TTC29: variants seen among roughly 807,000 people sequenced by gnomAD.
TTC29 encodes tetratricopeptide repeat protein 29.
Under a neutral mutation model 58.1 loss-of-function variants are expected in TTC29, and 49 were observed. The observed-to-expected ratio is 0.84, with a 90% confidence interval of 0.67 to 1.07. TTC29 has a LOEUF of 1.07. TTC29 is among the 50% of genes least tolerant of loss of function. The pLI, the probability that TTC29 is intolerant of heterozygous loss-of-function variation, is 0.00. For missense variants in TTC29, 582 were observed against 555.6 expected (o/e 1.05, Z -0.48); for synonymous variants, 209 against 196.8 (o/e 1.06, Z -0.52).
intron 8 of TTC29, among the ~76,000 whole-genome samples, chr4:146,843,754 A>G (rs1007859069): frequency 3.9e-5 from 6 of 152,162 alleles, no homozygotes; most frequent in Non-Finnish European, 7.3e-5. Flanking sequence ...ATTGTTTTCA[A>G]TAATTTATCT....
chr4:146,748,546 G>C (rs879314278), intron 11 of TTC29, among the ~76,000 whole-genome samples: 2 of 152,116 alleles, frequency 1.3e-5, no homozygotes, highest in Non-Finnish European at 2.9e-5. Context: ...GATCCCTAAA[G>C]TCCTTGCCCT....
chr4:146,857,896 C>G (rs910876686), intron 8 of TTC29, among the ~76,000 whole-genome samples: 1 of 152,118 alleles, frequency 6.6e-6, no homozygotes, highest in African/African-American at 2.4e-5. Context: ...GGTTTATCTT[C>G]TTTCCATTAT....
At chr4:146,928,727 A>T (rs1459013650) in intron 4 of TTC29, among the ~76,000 whole-genome samples, 2 of 152,180 alleles carry the variant, frequency 1.3e-5, no homozygotes, top group Non-Finnish European at 2.9e-5. Context: ...ATTCTAAATT[A>T]GACCACTTCT....
intron 6 of TTC29, among the ~76,000 whole-genome samples, chr4:146,890,091 A>G (rs983551276): frequency 6.6e-6 from 1 of 152,120 alleles, no homozygotes; most frequent in Admixed American, 6.6e-5. Flanking sequence ...TGAATATTAT[A>G]TTAGTTTCCT....
At chr4:146,723,684 C>T (rs189304272) in intron 11 of TTC29, among the ~76,000 whole-genome samples, 1 of 152,200 alleles carries the variant, frequency 6.6e-6, no homozygotes, top group East Asian at 1.9e-4. Context: ...AATGAGATAC[C>T]ATCTCACACC....
chr4:146,890,962 A>G (rs1732319182), intron 6 of TTC29, among the ~76,000 whole-genome samples: 1 of 152,102 alleles, frequency 6.6e-6, no homozygotes, highest in African/African-American at 2.4e-5. Context: ...AATATCAAGG[A>G]TGAAGTCTGA....
At chr4:146,900,628 T>C (rs1459155310) in intron 6 of TTC29, among the ~76,000 whole-genome samples, 4 of 152,192 alleles carry the variant, frequency 2.6e-5, no homozygotes, top group Non-Finnish European at 5.9e-5. Context: ...AATAAATAAA[T>C]TGAGCAATGT....
chr4:146,834,332 A>T (rs1021185178), intron 8 of TTC29, among the ~76,000 whole-genome samples: 1 of 152,156 alleles, frequency 6.6e-6, no homozygotes, highest in South Asian at 2.1e-4. Flanking sequence ...GTGCCAGGCA[A>T]TTTCTAAATC....
At chr4:146,764,537 TA>T (rs1248106099) in intron 11 of TTC29, among the ~76,000 whole-genome samples, 1 of 152,022 alleles carries the variant, frequency 6.6e-6, no homozygotes, top group African/African-American at 2.4e-5. Flanking sequence ...TAAAAATAAT[TA>T]TTTTAAAAAG....
intron 11 of TTC29, among the ~76,000 whole-genome samples, chr4:146,715,413 T>C (rs987345201): frequency 2.6e-5 from 4 of 152,190 alleles, no homozygotes; most frequent in African/African-American, 9.6e-5. Flanking sequence ...ATATACCCAA[T>C]AGAATACTAT....
At chr4:146,763,834 T>G (rs1747089768) in intron 11 of TTC29, 1 of 152,128 alleles carries the variant, frequency 6.6e-6, no homozygotes, top group African/African-American at 2.4e-5. Context: ...AGAAAGCCTC[T>G]TCTTTTCAAT....
chr4:146,936,250 T>C (rs1017709680), intron 4 of TTC29, among the ~76,000 whole-genome samples: 9 of 152,228 alleles, frequency 5.9e-5, no homozygotes, highest in Non-Finnish European at 7.4e-5. Context: ...TTTTGCATTG[T>C]CTTAGATAAA....
intron 11 of TTC29, among the ~76,000 whole-genome samples, chr4:146,718,014 A>G (rs1475762140): frequency 6.6e-6 from 1 of 152,102 alleles, no homozygotes; most frequent in Admixed American, 6.6e-5. Flanking sequence ...GGCTTATTTC[A>G]TTTAGTATAC....
chr4:146,773,827 C>T (rs1747898734), intron 11 of TTC29, among the ~76,000 whole-genome samples: 3 of 151,438 alleles, frequency 2.0e-5, no homozygotes, highest in Admixed American at 2.0e-4. Context: ...GGCACCAGCT[C>T]TTCTTTATAT....
intron 7 of TTC29, among the ~76,000 whole-genome samples, chr4:146,870,561 G>C (rs1730865621): frequency 6.6e-6 from 1 of 151,474 alleles, no homozygotes; most frequent in Non-Finnish European, 1.5e-5. Context: ...ATGATCCTTT[G>C]AAAAAGTCAA....
chr4:146,824,753 C>T (rs1447364812), intron 9 of TTC29, among the ~76,000 whole-genome samples: 1 of 152,104 alleles, frequency 6.6e-6, no homozygotes, highest in Admixed American at 6.5e-5. Flanking sequence ...GGTTGTTAGG[C>T]TATTAATTAC....
chr4:146,780,823 G>A (rs974129364), intron 11 of TTC29, among the ~76,000 whole-genome samples: 45 of 151,992 alleles, frequency 3.0e-4, no homozygotes, highest in African/African-American at 1.0e-3. Flanking sequence ...AATGATGGCT[G>A]GATTGGTATT....
chr4:146,917,634 A>G (rs1216739329), intron 4 of TTC29, among the ~76,000 whole-genome samples: 1 of 145,158 alleles, frequency 6.9e-6, no homozygotes, highest in East Asian at 2.0e-4. Context: ...GATATTATAT[A>G]AATTATATAT....
intron 11 of TTC29, among the ~76,000 whole-genome samples, chr4:146,740,130 T>C (rs180989198): frequency 5.9e-5 from 9 of 152,296 alleles, no homozygotes; most frequent in African/African-American, 1.9e-4. Flanking sequence ...CTCTCTAGCC[T>C]ATTAAATAAA....
Sources: gnomAD v4.1 joint callset for allele counts (sites outside exome capture counted in the v4.1 genomes callset) on GRCh38, gnomAD v4.1.1 for gene constraint, MANE v1.5 for transcripts, NCBI Gene and HGNC (gene_info 2026-07-23, HGNC 2026-07-21) for gene names.